The following RHOT1 variants were observed in gnomAD, a reference collection of about 807,000 sequenced individuals.
The protein encoded by RHOT1 is ras homolog family member T1, also known as mitochondrial Rho GTPase 1.
RHOT1 carries 27 observed loss-of-function variants against 95.3 expected under a neutral mutation model. That is an observed-to-expected ratio of 0.28 (90% CI 0.21 to 0.39). The LOEUF is 0.39. Ranked by LOEUF, RHOT1 falls within the 10% of genes least tolerant of loss-of-function variation. The pLI is 1.00. For missense variants in RHOT1, 578 were observed against 786.7 expected (o/e 0.73, Z 3.17); for synonymous variants, 227 against 263.5 (o/e 0.86, Z 1.34).
At chr17:32,194,627 C>T (rs984420740) in intron 11 of RHOT1, among the ~76,000 whole-genome samples, 2 of 152,054 alleles carry the variant, frequency 1.3e-5, no homozygotes, top group African/African-American at 4.8e-5. Context: ...CTACAAGTAT[C>T]TTTTTTTGTT....
intron 1 of RHOT1, among the ~76,000 whole-genome samples, chr17:32,167,305 A>G (rs556069777): frequency 6.6e-6 from 1 of 152,000 alleles, no homozygotes; most frequent in Non-Finnish European, 1.5e-5. Context: ...TTTATAGAGC[A>G]CAGGCAGAAT....
chr17:32,150,955 T>C, intron 1 of RHOT1: 1 of 1,549,970 alleles, frequency 6.5e-7, no homozygotes, highest in Non-Finnish European at 8.8e-7. Context: ...GTTGCTTTGC[T>C]GATTGCTGCT....
chr17:32,215,341 A>G (rs545665545), intron 19 of RHOT1, among the ~76,000 whole-genome samples: 1 of 152,268 alleles, frequency 6.6e-6, no homozygotes, highest in South Asian at 2.1e-4. Context: ...GATATGATAC[A>G]TGTTTGAGAC....
At chr17:32,148,526 G>A (rs2031731582) in intron 1 of RHOT1, among the ~76,000 whole-genome samples, 1 of 139,842 alleles carries the variant, frequency 7.2e-6, no homozygotes, top group South Asian at 2.3e-4. Flanking sequence ...GAGAAGGATA[G>A]CTGAGCGATA....
At chr17:32,170,897 T>TA (rs565582574) in intron 1 of RHOT1, 146 bp from the exon 2 acceptor site, 82 of 481,136 alleles carry the variant, frequency 1.7e-4, no homozygotes, top group African/African-American at 1.5e-3. Flanking sequence ...AACATAAAGA[T>TA]ATACTTTTAA....
chr17:32,201,691 C>G (rs1431408060), intron 14 of RHOT1, among the ~76,000 whole-genome samples: 1 of 152,208 alleles, frequency 6.6e-6, no homozygotes, highest in African/African-American at 2.4e-5. Context: ...GGTTCTTTCA[C>G]TCAGCACATT....
chr17:32,166,187 C>CAAA (rs200254466), intron 1 of RHOT1, among the ~76,000 whole-genome samples: 1,360 of 106,520 alleles, frequency 0.013, 33 homozygotes, highest in African/African-American at 0.043. Flanking sequence ...GACTCTATCT[C>CAAA]AAAAAAAAAA....
chr17:32,206,079 G>A (rs118072954), intron 16 of RHOT1, among the ~76,000 whole-genome samples: 2,470 of 152,034 alleles, frequency 0.016, 25 homozygotes, highest in Non-Finnish European at 0.026. Context: ...GTGTACCATG[G>A]GCAGCTGACT....
intron 8 of RHOT1, among the ~76,000 whole-genome samples, chr17:32,185,046 A>C (rs960340143): frequency 4.6e-5 from 7 of 152,080 alleles, no homozygotes; most frequent in Admixed American, 2.0e-4. Flanking sequence ...AAACCTCTCA[A>C]GTAGCTGGGA....
Position 32,192,284 on chromosome 17 carries a change from A to T in RHOT1, c.624A>T (p.Glu208Asp). 1.3e-6 allele frequency: 2 copies of T among 1,563,454 alleles called. No homozygotes were observed. The highest frequency in any genetic ancestry group is 1.7e-6 in the Non-Finnish European group (2 of 1,150,422). The change falls in exon 9 of 20, where the codon GAA (glutamate) becomes GAT (aspartate). Residue 208 changes from glutamate (E) to aspartate (D), a missense_variant. Transcript: ENST00000545287. Reference protein sequence around the residue: ...QDNDGTLNDAELNFFQRICFN... With the variant: ...QDNDGTLNDADLNFFQRICFN... ...ATGATGGTACTCTCAATGATGCTGA[A>T]CTCAACTTCTTTCAGGTAATGGTCC...
chr17:32,178,603 G>A (rs538591866), intron 6 of RHOT1, among the ~76,000 whole-genome samples: 9 of 152,224 alleles, frequency 5.9e-5, no homozygotes, highest in Non-Finnish European at 8.8e-5. Context: ...GCCTCTGCCC[G>A]CCCGCCACCC....
chr17:32,175,877 C>T (rs921783078), intron 4 of RHOT1, 85 bp from the exon 5 acceptor site: 20 of 870,144 alleles, frequency 2.3e-5, no homozygotes, highest in Non-Finnish European at 3.0e-5. Flanking sequence ...TCCTTTCACC[C>T]GAATATATTA....
At chr17:32,142,943 AC>A (rs1204315905) in intron 1 of RHOT1, 2 of 714,792 alleles carry the variant, frequency 2.8e-6, no homozygotes, top group Non-Finnish European at 5.2e-6. Flanking sequence ...CTGTCACCTC[AC>A]CTGGGCCCTC....
At chr17:32,147,611 A>G (rs2031559261) in intron 1 of RHOT1, among the ~76,000 whole-genome samples, 2 of 152,028 alleles carry the variant, frequency 1.3e-5, no homozygotes, top group Non-Finnish European at 2.9e-5. Flanking sequence ...TCAAAGGTCA[A>G]GAGTTCGACA....
At chr17:32,211,963 G>A (rs1477676283) in intron 19 of RHOT1, among the ~76,000 whole-genome samples, 1 of 152,162 alleles carries the variant, frequency 6.6e-6, no homozygotes, top group Non-Finnish European at 1.5e-5. Flanking sequence ...TTGGAAGGTT[G>A]TATTCTTATG....
At chr17:32,217,219 C>T (rs1216826342) in intron 19 of RHOT1, among the ~76,000 whole-genome samples, 2 of 152,116 alleles carry the variant, frequency 1.3e-5, no homozygotes, top group African/African-American at 2.4e-5. Context: ...ACACCTGTGT[C>T]GTTTCCCAAA....
At chr17:32,200,775 C>CAAA (rs367743557) in intron 13 of RHOT1, among the ~76,000 whole-genome samples, 181 bp from the exon 14 acceptor site, 2 of 110,710 alleles carry the variant, frequency 1.8e-5, no homozygotes, top group African/African-American at 6.6e-5. Flanking sequence ...CCCTATCTTT[C>CAAA]AAAAAAAAAA....
chr17:32,188,947 G>T (rs59142571), intron 8 of RHOT1, among the ~76,000 whole-genome samples: 1 of 152,046 alleles, frequency 6.6e-6, no homozygotes, highest in African/African-American at 2.4e-5. Flanking sequence ...AATTTACTCC[G>T]AATCCAGTAT....
intron 8 of RHOT1, among the ~76,000 whole-genome samples, chr17:32,191,213 T>C (rs1015433644): frequency 3.9e-5 from 6 of 152,230 alleles, no homozygotes; most frequent in Non-Finnish European, 5.9e-5. Context: ...AAAACAAGAA[T>C]AGAAGGGGTT....
Sources: allele counts gnomAD v4.1 joint callset (sites outside exome capture counted in the v4.1 genomes callset), GRCh38; gene constraint gnomAD v4.1.1; transcripts MANE v1.5; gene names NCBI Gene and HGNC (gene_info 2026-07-23, HGNC 2026-07-21).